ANKLE2: variants seen among roughly 807,000 people sequenced by gnomAD.
ANKLE2 encodes ankyrin repeat and LEM domain-containing protein 2.
In ANKLE2, 55 loss-of-function variants were observed where a neutral mutation model predicts 84.2. The observed-to-expected ratio is 0.65, with a 90% confidence interval of 0.53 to 0.82. The LOEUF is 0.82. Ranked by LOEUF, ANKLE2 falls within the 40% of genes least tolerant of loss-of-function variation. The probability of loss-of-function intolerance (pLI) is 0.00; values close to 1 mark genes in which losing one functional copy is unlikely to be tolerated. For synonymous variants in ANKLE2, 551 were observed against 486.1 expected, an observed-to-expected ratio of 1.13 and a Z score of -1.76; for missense variants, 1,238 against 1,201.9, an observed-to-expected ratio of 1.03 and a Z score of -0.44.
rs763885869 is a variant in ANKLE2, at chr12:132,743,130, A to C, written c.1353+24T>G. ...ATTTCCATTTCTAACTCTAGATAGCAACTGCATTGTAATAAGTACTTACAT... is the reference window on the plus strand; with the variant it reads ...ATTTCCATTTCTAACTCTAGATAGCCACTGCATTGTAATAAGTACTTACAT... On this transcript the variant is annotated intron_variant, in intron 6 of 12. Transcript: ENST00000357997. The surrounding 1 kb of genome is among the most constrained non-coding windows in gnomAD (Gnocchi z 4.1). 6.4e-7 allele frequency: 1 copy of C among 1,572,288 alleles called. No homozygotes were observed.
At chr12:132,755,282 G>C (rs1167518239) in intron 1 of ANKLE2, 149 bp from the exon 2 acceptor site, 2 of 711,422 alleles carry the variant, frequency 2.8e-6, no homozygotes, top group African/African-American at 3.6e-5. Flanking sequence ...GGTGGCTCAC[G>C]CCTGTAATCC....
At chr12:132,756,789 G>A (rs1566039528) in intron 1 of ANKLE2, 1 of 151,664 alleles carries the variant, frequency 6.6e-6, no homozygotes. Flanking sequence ...AAATTAGACA[G>A]GCGCAGTGGC....
At chr12:132,755,319 G>A (rs930435204) in intron 1 of ANKLE2, 186 bp from the exon 2 acceptor site, 68 of 555,174 alleles carry the variant, frequency 1.2e-4, no homozygotes, top group African/African-American at 8.1e-4. Context: ...TGAGGCGGGC[G>A]GATCATCTGA....
chr12:132,734,421 G>C lies in ANKLE2; in HGVS notation c.1855C>G (p.Arg619Gly). ...GCTTTATCTCGGCAGGAGGCTTCCC[G>C]TTCTCCTGTTTCTTGTTGAGCCTTT... ...GKKAQQETGE[R>G]EASCRDKATT... is the part of the protein sequence containing the mutation. The change falls in exon 10 of 13, where the codon CGG becomes GGG. Residue 619 changes from arginine to glycine, a missense_variant. Coordinates refer to ENST00000357997, the MANE Select transcript of ANKLE2 (RefSeq NM_015114.3). 6.2e-7 allele frequency: 1 copy of C among 1,614,108 alleles called. No individual in the cohort carries two copies. Among genetic ancestry groups the C allele is most frequent in the Non-Finnish European group, 8.5e-7 (1 of 1,180,014 alleles).
In ANKLE2 at chr12:132,734,453, A is replaced by G. The variant is rs200076688; in HGVS notation, c.1823T>C (p.Ile608Thr). Residue 608 changes from isoleucine (I) to threonine (T), a missense_variant, in exon 10 of 13, where the codon ATA becomes ACA. Transcript: ENST00000357997. ...TGTTTCTTGTTGAGCCTTTTTGCCT[A>G]TTTCCTGCTGTGTGAGATATTCTTC... ...RLEEYLTQQE[I>T]GKKAQQETGE... 1.1e-5 allele frequency: 17 copies of G among 1,613,950 alleles called. No homozygotes were observed. The highest frequency in any genetic ancestry group is 3.3e-4 in the Middle Eastern group (2 of 6,060).
At chr12:132,758,399 AG>A (rs2044528985) in intron 1 of ANKLE2, 1 of 152,280 alleles carries the variant, frequency 6.6e-6, no homozygotes, top group Non-Finnish European at 1.5e-5. Flanking sequence ...TAAAAAAAAA[AG>A]AATAAACCCG....
intron 2 of ANKLE2, among the ~76,000 whole-genome samples, chr12:132,754,048 C>G (rs536007147): frequency 3.3e-5 from 5 of 152,004 alleles, no homozygotes; most frequent in Non-Finnish European, 7.4e-5. Context: ...CAAGACCAGC[C>G]TGGCCAAGAT....
chr12:132,729,765 A>T lies in ANKLE2; in HGVS notation c.2397T>A (p.Ala799=). The change falls in exon 11 of 13, where the codon GCT becomes GCA. Residue 799 remains alanine (A), a synonymous_variant. Coordinates refer to ENST00000357997, the MANE Select transcript of ANKLE2 (RefSeq NM_015114.3). ...RTESEMSARI[A]KMSLSPSSPR... is the part of the protein sequence containing the mutation. ...GGCTGCTGGGACTCAAGGACATTTT[A>T]GCGATCCTGGCTGACATTTCACTTT... is the stretch of plus-strand genomic sequence containing the variant. 6.2e-7 allele frequency: 1 copy of T among 1,612,138 alleles called. No homozygotes were observed. The highest frequency in any genetic ancestry group is 1.3e-5 in the African/African-American group (1 of 74,632).
intron 10 of ANKLE2, among the ~76,000 whole-genome samples, chr12:132,732,969 A>G (rs1362695920): frequency 2.3e-5 from 3 of 133,064 alleles, no homozygotes; most frequent in East Asian, 2.4e-4. Context: ...GGTGTCTGAA[A>G]TACACTGTGT....
rs1429990869 is a variant in ANKLE2 at position 132,725,940 on chromosome 12, C to A, written c.*1302G>T. 6.6e-6 allele frequency: 1 copy of A among 152,220 alleles called. No individual in the cohort carries two copies. The highest frequency in any genetic ancestry group is 2.4e-5 in the African/African-American group (1 of 41,450). 9.4% of individuals were successfully genotyped at this position (152,220 alleles called of 1,614,324 possible). ...CTTGATTCCAATATTCCTGACCTAT[C>A]TCTTGTCATATGAAAGAAAGAAGCC... On this transcript the variant is annotated 3_prime_UTR_variant, in exon 13 of 13. Transcript: ENST00000357997.
At chr12:132,752,658 C>T (rs1393537609) in intron 2 of ANKLE2, among the ~76,000 whole-genome samples, 1 of 152,102 alleles carries the variant, frequency 6.6e-6, no homozygotes, top group Non-Finnish European at 1.5e-5. Flanking sequence ...CGTGAGCCAC[C>T]GCGCCCGGCC....
At chr12:132,734,228 A>C (rs1173104713) in intron 10 of ANKLE2, among the ~76,000 whole-genome samples, 157 bp downstream of exon 10, 1 of 152,118 alleles carries the variant, frequency 6.6e-6, no homozygotes, top group Non-Finnish European at 1.5e-5. Context: ...TTGGGTAACA[A>C]AGAGAGGTTC....
chr12:132,736,432 T>C (rs949944621), intron 8 of ANKLE2, among the ~76,000 whole-genome samples: 1 of 152,208 alleles, frequency 6.6e-6, no homozygotes, highest in Non-Finnish European at 1.5e-5. Flanking sequence ...GAGTAGAACC[T>C]GGGGCTGAGG....
At chr12:132,728,944 A>T (rs1363355275) in intron 11 of ANKLE2, among the ~76,000 whole-genome samples, 1 of 152,192 alleles carries the variant, frequency 6.6e-6, no homozygotes, top group Non-Finnish European at 1.5e-5. Flanking sequence ...CATCCCTAGC[A>T]AATAACAGCC....
intron 7 of ANKLE2, among the ~76,000 whole-genome samples, chr12:132,739,929 C>A (rs11147037): frequency 6.6e-6 from 1 of 152,090 alleles, no homozygotes; most frequent in African/African-American, 2.4e-5. Flanking sequence ...CACAGAGCTG[C>A]CTTCTCCTCA....
chr12:132,748,379 C>A, intron 3 of ANKLE2, 48 bp from the exon 4 acceptor site: 1 of 1,604,900 alleles, frequency 6.2e-7, no homozygotes, highest in South Asian at 1.1e-5. Flanking sequence ...CACCAAAAGT[C>A]ACTCATCACC....
Position 132,743,023 on chromosome 12 carries a change from ATG to A in ANKLE2, c.1353+129_1353+130del, listed in dbSNP as rs1215319196. 1 of 771,574 alleles carries A rather than the reference ATG, an allele frequency of 1.3e-6. No homozygotes were observed. Among genetic ancestry groups the A allele is most frequent in the Non-Finnish European group, 1.9e-6 (1 of 521,006 alleles). The allele number at this position is 771,574 out of a possible 1,614,324, so 47.8% of individuals were successfully genotyped here. On this transcript the variant is annotated intron_variant, in intron 6 of 12. Transcript: ENST00000357997. This position sits in a 1 kb window ranked among gnomAD's most constrained non-coding sequence, Gnocchi z 4.1. ...CTTACTCAACAGCCAAGGTTCTAAC[ATG>A]TGCCCATAAAGCAAACACAACTCAT...
intron 7 of ANKLE2, 63 bp downstream of exon 7, chr12:132,741,356 C>G: frequency 1.3e-6 from 2 of 1,544,420 alleles, no homozygotes; most frequent in South Asian, 1.1e-5. Flanking sequence ...GCTGTGTCCC[C>G]CAACGCTCCA....
chr12:132,755,173 T>C, intron 1 of ANKLE2, 40 bp from the exon 2 acceptor site: 1 of 1,520,548 alleles, frequency 6.6e-7, no homozygotes, highest in Non-Finnish European at 8.9e-7. Context: ...CACAAAATAC[T>C]AACACCTGCT....
Sources: allele counts gnomAD v4.1 joint callset (sites outside exome capture counted in the v4.1 genomes callset), GRCh38; gene constraint gnomAD v4.1.1; non-coding constraint Gnocchi (gnomAD v3.1); transcripts MANE v1.5; gene names NCBI Gene and HGNC (gene_info 2026-07-23, HGNC 2026-07-21).